Variants in MYPN observed in about 807,000 individuals in gnomAD.
The protein encoded by MYPN is myopalladin, also known as sarcomeric protein myopalladin, 145 kDa (MYOP).
MYPN carries 63 observed loss-of-function variants against 129.4 expected under a neutral mutation model. The ratio of observed to expected loss-of-function variants is 0.49; its 90% CI spans 0.40 to 0.60. MYPN has a LOEUF of 0.60. MYPN is among the 20% of genes least tolerant of loss of function. MYPN has a pLI of 0.00. For missense variants in MYPN, 1,596 were observed against 1,635.4 expected (o/e 0.98, Z 0.42); for synonymous variants, 629 against 600.9 (o/e 1.05, Z -0.68).
chr10:68,166,755 A>G (rs2043062172), intron 10 of MYPN, 89 bp downstream of exon 10: 1 of 1,526,612 alleles, frequency 6.6e-7, no homozygotes, highest in East Asian at 2.4e-5. Context: ...TCAGCTAGGC[A>G]CAGTTGCTCA....
chr10:68,122,557 A>G (rs538024102), intron 2 of MYPN, among the ~76,000 whole-genome samples: 2 of 152,310 alleles, frequency 1.3e-5, no homozygotes, highest in Non-Finnish European at 2.9e-5. Flanking sequence ...ACTAAAAAGA[A>G]CCAGGTGAAA....
At chr10:68,121,295 T>C (rs1217552511) in intron 1 of MYPN, 143 bp from the exon 2 acceptor site, 8 of 771,104 alleles carry the variant, frequency 1.0e-5, no homozygotes, top group Non-Finnish European at 8.0e-6. Context: ...AATAAATTAA[T>C]TAAAAGTTTG....
chr10:68,125,314 A>G (rs2042308434), intron 2 of MYPN, among the ~76,000 whole-genome samples: 1 of 152,220 alleles, frequency 6.6e-6, no homozygotes. Context: ...TACTGACAGC[A>G]ATCATGCCTG....
At chr10:68,141,309 C>A (rs2042575061) in intron 2 of MYPN, among the ~76,000 whole-genome samples, 1 of 150,122 alleles carries the variant, frequency 6.7e-6, no homozygotes, top group African/African-American at 2.5e-5. Context: ...GCAGAGGTTG[C>A]AGTGAGTGGA....
At chr10:68,090,493 G>A (rs185702320) in intron 1 of MYPN, among the ~76,000 whole-genome samples, 8 of 152,200 alleles carry the variant, frequency 5.3e-5, no homozygotes, top group African/African-American at 1.9e-4. Flanking sequence ...AACAGGTAAG[G>A]TAGATATAGT....
At position 68,162,186 on chromosome 10, in the gene MYPN, AAAAC is replaced by A. The variant is rs568797959; in HGVS notation, c.1483+436_1483+439del. The A allele has an allele frequency of 2.9e-3, 427 of 148,484 alleles. 3 individuals carry two copies. The highest frequency in any genetic ancestry group is 5.0e-3 in the Non-Finnish European group (335 of 67,594). 9.2% of individuals were successfully genotyped at this position (148,484 alleles called of 1,614,324 possible). A position where few individuals can be genotyped will look rare whatever the true frequency, so the allele number is the denominator to read the frequency against. ...TGTCTCAAAAAAAAAAAAAAAAAAA[AAAAC>A]ATCCAAATGAACTATAGCTATTATT... is the stretch of plus-strand genomic sequence containing the variant. On this transcript the variant is annotated intron_variant, in intron 8 of 19. Coordinates refer to ENST00000358913, the MANE Select transcript of MYPN (RefSeq NM_032578.4).
In MYPN at chr10:68,166,409, A is replaced by AC; in HGVS notation, c.1722dup (p.Lys575GlnfsTer13). ...ACTCAGAGCCTCCATCTGTGGAACA[A>AC]CCCCCCAAACCCAAACTCGAGGGGG... On this transcript the variant is annotated frameshift_variant, in exon 10 of 20. Coordinates refer to ENST00000358913, the MANE Select transcript of MYPN (RefSeq NM_032578.4). LOFTEE classifies it high-confidence loss of function. The AC allele has an allele frequency of 6.2e-7, 1 of 1,613,654 alleles. No homozygotes were observed. The highest frequency in any genetic ancestry group is 8.5e-7 in the Non-Finnish European group (1 of 1,179,976).
upstream of MYPN, among the ~76,000 whole-genome samples, chr10:68,102,368 A>G (rs1431166833): frequency 6.6e-6 from 1 of 152,028 alleles, no homozygotes; most frequent in Non-Finnish European, 1.5e-5. Flanking sequence ...GGCTCAAGTC[A>G]TCCACCGCCT....
chr10:68,180,224 G>C (rs1255011518), intron 12 of MYPN, among the ~76,000 whole-genome samples: 1 of 152,126 alleles, frequency 6.6e-6, no homozygotes. Context: ...TGTCACCCAG[G>C]CTGGAGTGCA....
At chr10:68,135,677 T>C (rs1161379441) in intron 2 of MYPN, among the ~76,000 whole-genome samples, 1 of 152,182 alleles carries the variant, frequency 6.6e-6, no homozygotes, top group Non-Finnish European at 1.5e-5. Context: ...AACTTGAGGC[T>C]ATAATGACCC....
chr10:68,181,748 C>G (rs1379214895), intron 12 of MYPN, among the ~76,000 whole-genome samples: 1 of 152,142 alleles, frequency 6.6e-6, no homozygotes, highest in Non-Finnish European at 1.5e-5. Context: ...CTTTGCCCAT[C>G]AGCAAAAAGC....
intron 2 of MYPN, among the ~76,000 whole-genome samples, chr10:68,122,922 A>G (rs143629227): frequency 6.6e-6 from 1 of 152,186 alleles, no homozygotes; most frequent in East Asian, 1.9e-4. Flanking sequence ...TAAATAAAAT[A>G]AAATAAAATA....
At chr10:68,090,758 C>T (rs1471093170) in intron 1 of MYPN, among the ~76,000 whole-genome samples, 1 of 152,096 alleles carries the variant, frequency 6.6e-6, no homozygotes, top group Non-Finnish European at 1.5e-5. Flanking sequence ...CATACCTGCC[C>T]TGTGTTTATT....
chr10:68,195,397 G>GA (rs1190113003), intron 14 of MYPN, 53 bp from the exon 15 acceptor site: 6 of 1,573,978 alleles, frequency 3.8e-6, no homozygotes, highest in African/African-American at 1.3e-5. Flanking sequence ...TATGTAAATT[G>GA]AAAAAATGTG....
intron 1 of MYPN, among the ~76,000 whole-genome samples, chr10:68,112,057 A>T (rs2042089086): frequency 6.6e-6 from 1 of 152,230 alleles, no homozygotes; most frequent in Admixed American, 6.5e-5. Context: ...GGATTGACGA[A>T]GTTTTCCCAT....
intron 10 of MYPN, among the ~76,000 whole-genome samples, chr10:68,171,659 T>C (rs1000348974): frequency 6.6e-6 from 1 of 152,172 alleles, no homozygotes; most frequent in Admixed American, 6.5e-5. Context: ...TCTTTTACAG[T>C]CTCCAGGTGA....
At chr10:68,198,848 C>T in intron 16 of MYPN, among the ~76,000 whole-genome samples, 1 of 151,614 alleles carries the variant, frequency 6.6e-6, no homozygotes, top group East Asian at 1.9e-4. Context: ...GGGGAGCATA[C>T]CATGCCCTGT....
Position 68,189,012 on chromosome 10 carries a change from C to G in MYPN, c.2811C>G (p.Ile937Met). 6.2e-7 allele frequency: 1 copy of G among 1,614,100 alleles called. No homozygotes were observed. Among genetic ancestry groups the G allele is most frequent in the Non-Finnish European group, 8.5e-7 (1 of 1,179,990 alleles). ...ESDDEIQHDEIPTGKCIAPIF... is the reference protein window; with the variant it reads ...ESDDEIQHDEMPTGKCIAPIF... Reference sequence around the variant, plus strand: ...ATGATGAAATTCAACATGATGAGATCCCCACGGGCAAGTGTATTGCTCCCA... The same window carrying G: ...ATGATGAAATTCAACATGATGAGATGCCCACGGGCAAGTGTATTGCTCCCA... Residue 937 changes from isoleucine (I) to methionine (M), a missense_variant, in exon 13 of 20, where the codon ATC (isoleucine) becomes ATG (methionine). Transcript: ENST00000358913.
At chr10:68,181,302 T>C (rs1336346445) in intron 12 of MYPN, among the ~76,000 whole-genome samples, 2 of 152,194 alleles carry the variant, frequency 1.3e-5, no homozygotes, top group Non-Finnish European at 2.9e-5. Context: ...ATTTTAATTT[T>C]TTTTTTTGAG....
Sources: gnomAD v4.1 joint callset for allele counts (sites outside exome capture counted in the v4.1 genomes callset) on GRCh38, gnomAD v4.1.1 for gene constraint, MANE v1.5 for transcripts, NCBI Gene and HGNC (gene_info 2026-07-23, HGNC 2026-07-21) for gene names.